Variants in NRXN1 observed in about 807,000 individuals in gnomAD.
NRXN1 encodes neurexin-1.
A neutral mutation model predicts 150.9 loss-of-function variants in NRXN1; 39 were observed. The ratio of observed to expected loss-of-function variants is 0.26; its 90% confidence interval spans 0.20 to 0.34. The LOEUF is 0.34. Among genes scored for constraint, NRXN1 ranks in the 10% least tolerant of loss-of-function variants. NRXN1 has a pLI of 1.00. For synonymous variants in NRXN1, 924 were observed against 757.0 expected, an observed-to-expected ratio of 1.22 and a Z score of -3.62; for missense variants, 1,815 against 1,949.9, an observed-to-expected ratio of 0.93 and a Z score of 1.30.
At chr2:50,064,172 A>C (rs1573692741) in intron 19 of NRXN1, among the ~76,000 whole-genome samples, 2 of 151,896 alleles carry the variant, frequency 1.3e-5, no homozygotes, top group South Asian at 4.1e-4. Context: ...TATTCAGTTT[A>C]CCAGACACTA....
chr2:50,253,406 T>C (rs773275754), intron 17 of NRXN1, among the ~76,000 whole-genome samples: 6 of 152,186 alleles, frequency 3.9e-5, no homozygotes, highest in Admixed American at 1.3e-4. Flanking sequence ...CCCTTATTTC[T>C]TTCTCTTGCT....
intron 5 of NRXN1, among the ~76,000 whole-genome samples, chr2:50,846,618 G>A (rs1156566167): frequency 6.6e-6 from 1 of 152,084 alleles, no homozygotes. Flanking sequence ...AACAAAAACA[G>A]TTCAAAAAAA....
At chr2:50,948,613 G>A (rs1181573689) in intron 2 of NRXN1, among the ~76,000 whole-genome samples, 1 of 151,944 alleles carries the variant, frequency 6.6e-6, no homozygotes, top group Admixed American at 6.6e-5. Flanking sequence ...ATGATTGAGG[G>A]AGCAGCTAAT....
At chr2:50,113,362 G>A (rs757647086) in intron 18 of NRXN1, among the ~76,000 whole-genome samples, 1 of 152,108 alleles carries the variant, frequency 6.6e-6, no homozygotes, top group African/African-American at 2.4e-5. Flanking sequence ...AGCACTCCAT[G>A]TCAAATTGAC....
chr2:49,934,732 T>G (rs533421657), intron 22 of NRXN1, among the ~76,000 whole-genome samples: 1 of 152,218 alleles, frequency 6.6e-6, no homozygotes, highest in South Asian at 2.1e-4. Flanking sequence ...CCTGAGTGTC[T>G]TAGGAAGGAA....
intron 5 of NRXN1, among the ~76,000 whole-genome samples, chr2:50,638,198 G>A (rs918723609): frequency 6.6e-6 from 1 of 152,144 alleles, no homozygotes; most frequent in African/African-American, 2.4e-5. Context: ...CTTTCTACAA[G>A]AGTATATTTC....
chr2:50,757,444 T>C (rs1701272984), intron 5 of NRXN1, among the ~76,000 whole-genome samples: 1 of 151,764 alleles, frequency 6.6e-6, no homozygotes, highest in Non-Finnish European at 1.5e-5. Flanking sequence ...ATGATAGATA[T>C]CCCAATTACC....
At chr2:50,203,439 G>T (rs1210309637) in intron 18 of NRXN1, among the ~76,000 whole-genome samples, 1 of 152,118 alleles carries the variant, frequency 6.6e-6, no homozygotes, top group African/African-American at 2.4e-5. Context: ...GCATTTGAAA[G>T]ATTTGAAATG....
chr2:51,019,484 G>C (rs575999491), intron 2 of NRXN1, among the ~76,000 whole-genome samples: 1 of 152,116 alleles, frequency 6.6e-6, no homozygotes, highest in Admixed American at 6.6e-5. Flanking sequence ...TTTAAGGAGA[G>C]GCATCTAGTC....
chr2:50,799,606 C>G (rs1379383979), intron 5 of NRXN1, among the ~76,000 whole-genome samples: 1 of 152,142 alleles, frequency 6.6e-6, no homozygotes, highest in Non-Finnish European at 1.5e-5. Context: ...TTCTGTTTCT[C>G]ACTTTCAGTA....
At chr2:50,210,593 A>G (rs1305635892) in intron 18 of NRXN1, among the ~76,000 whole-genome samples, 2 of 151,766 alleles carry the variant, frequency 1.3e-5, no homozygotes, top group East Asian at 3.9e-4. Context: ...ATAATAATTT[A>G]TATGTAGACT....
chr2:50,990,549 A>G (rs935152170), intron 2 of NRXN1, among the ~76,000 whole-genome samples: 6 of 152,044 alleles, frequency 3.9e-5, no homozygotes, highest in Admixed American at 1.3e-4. Flanking sequence ...TCTGAAGAGT[A>G]CAGAGGGGAA....
chr2:50,430,096 A>T (rs143887125), intron 17 of NRXN1, among the ~76,000 whole-genome samples: 7 of 152,238 alleles, frequency 4.6e-5, no homozygotes, highest in African/African-American at 1.7e-4. Flanking sequence ...TGAATACAGT[A>T]CTCCCATTGT....
chr2:50,114,479 T>C (rs1188278302), intron 18 of NRXN1, among the ~76,000 whole-genome samples: 1 of 152,146 alleles, frequency 6.6e-6, no homozygotes, highest in African/African-American at 2.4e-5. Context: ...ATACTCTTAC[T>C]ACATGATTCA....
At chr2:50,610,760 AT>A (rs1677976156) in intron 8 of NRXN1, among the ~76,000 whole-genome samples, 1 of 141,856 alleles carries the variant, frequency 7.0e-6, no homozygotes, top group Non-Finnish European at 1.5e-5. Flanking sequence ...ATATTTATAT[AT>A]ATATATATAT....
chr2:50,900,605 T>C (rs1239921115), intron 5 of NRXN1, among the ~76,000 whole-genome samples: 1 of 152,116 alleles, frequency 6.6e-6, no homozygotes, highest in Admixed American at 6.5e-5. Flanking sequence ...GACCTACTTG[T>C]CAGAGTGAGG....
In NRXN1 at chr2:51,026,684, T is replaced by C. The variant is rs534151809; in HGVS notation, c.772+818A>G. On this transcript the variant is annotated intron_variant, in intron 2 of 22. Coordinates refer to ENST00000401669, the MANE Select transcript of NRXN1 (RefSeq NM_001330078.2). ...CAATCCAGCAACATCTAAATTTCTC[T>C]ACTACTTTATTTCTCTTTATAAGGC... Among the ~76,000 whole-genome samples, 47 of 152,328 alleles carry C rather than the reference T, an allele frequency of 3.1e-4. No homozygotes were observed. The South Asian group carries it at 9.5e-3, about 31-fold the overall frequency.
At chr2:50,703,993 A>G (rs1472461901) in intron 5 of NRXN1, among the ~76,000 whole-genome samples, 1 of 152,148 alleles carries the variant, frequency 6.6e-6, no homozygotes, top group Non-Finnish European at 1.5e-5. Context: ...AAATATATCT[A>G]GGGGAGCCAG....
intron 5 of NRXN1, among the ~76,000 whole-genome samples, chr2:50,791,355 A>AGAT (rs1402017778): frequency 5.9e-5 from 9 of 151,676 alleles, no homozygotes. Flanking sequence ...GACTATAAGT[A>AGAT]GATCTCTAGT....
Sources: gnomAD v4.1 joint callset for allele counts (sites outside exome capture counted in the v4.1 genomes callset) on GRCh38, gnomAD v4.1.1 for gene constraint, MANE v1.5 for transcripts, NCBI Gene and HGNC (gene_info 2026-07-23, HGNC 2026-07-21) for gene names.